Variants in FGD5 observed in about 807,000 individuals in gnomAD.
The protein encoded by FGD5 is FYVE, RhoGEF and PH domain containing 5.
Under a neutral mutation model 133.4 loss-of-function variants are expected in FGD5, and 28 were observed. That is an observed-to-expected ratio of 0.21 (90% CI 0.16 to 0.29). FGD5 has a LOEUF of 0.29. FGD5 is among the 10% of genes least tolerant of loss of function. FGD5 has a pLI of 1.00. For synonymous variants in FGD5, 810 were observed against 776.5 expected, an observed-to-expected ratio of 1.04 and a Z score of -0.72; for missense variants, 1,858 against 1,895.2, an observed-to-expected ratio of 0.98 and a Z score of 0.36.
chr3:14,922,285 C>A lies in FGD5; in HGVS notation c.3670-126C>A. 7.3e-7 allele frequency: 1 copy of A among 1,379,060 alleles called. No homozygotes were observed. The highest frequency in any genetic ancestry group is 9.9e-7 in the Non-Finnish European group (1 of 1,012,376). The allele number at this position is 1,379,060 out of a possible 1,614,324, so 85.4% of individuals were successfully genotyped here. On this transcript the variant is annotated intron_variant, in intron 14 of 19. Transcript: ENST00000285046. The surrounding 1 kb of genome is among the most constrained non-coding windows in gnomAD (Gnocchi z 4.1). ...TGGAGGGTGCAGGAGAGGCCTTTCA[C>A]ATCAGACCCACTCACCCACACATCA... is the stretch of plus-strand genomic sequence containing the variant.
rs537254016 is a variant in FGD5 at position 14,900,826 on chromosome 3, C to A, written c.3206-177C>A. 4.6e-5 allele frequency among the ~76,000 whole-genome samples: 7 copies of A among 152,328 alleles called. No individual in the cohort carries two copies. In the South Asian group the frequency reaches 1.0e-3, roughly 23 times the overall value. ...CCTGCCAGGGTGGTCACTATTATAA[C>A]ATATTCAGTTTACAGCCAGGGAAAC... On this transcript the variant is annotated intron_variant, in intron 8 of 19. Transcript: ENST00000285046.
At chr3:14,829,787 A>G (rs995411509) in intron 1 of FGD5, among the ~76,000 whole-genome samples, 2 of 152,154 alleles carry the variant, frequency 1.3e-5, no homozygotes, top group Non-Finnish European at 2.9e-5. Flanking sequence ...CTAGCGCAAA[A>G]TCTAGCATAA....
At chr3:14,901,130 G>A (rs1475545765) in intron 9 of FGD5, 69 bp downstream of exon 9, 1 of 1,500,732 alleles carries the variant, frequency 6.7e-7, no homozygotes, top group South Asian at 1.1e-5. Context: ...GCTCCGGTCA[G>A]CCTTCTGATG....
chr3:14,881,746 G>A (rs1325431533), intron 4 of FGD5, among the ~76,000 whole-genome samples: 1 of 152,216 alleles, frequency 6.6e-6, no homozygotes, highest in Non-Finnish European at 1.5e-5. Context: ...AGGTGGTGAT[G>A]TGGAAGCCCA....
At chr3:14,925,461 T>C (rs2038782644) in intron 17 of FGD5, among the ~76,000 whole-genome samples, 1 of 152,214 alleles carries the variant, frequency 6.6e-6, no homozygotes, top group Admixed American at 6.5e-5. Context: ...TTAGAAGAAG[T>C]CAGCAAATTG....
intron 1 of FGD5, among the ~76,000 whole-genome samples, chr3:14,839,635 A>G (rs947625757): frequency 5.3e-5 from 8 of 152,234 alleles, no homozygotes; most frequent in Admixed American, 3.9e-4. Context: ...GTTCAAAACC[A>G]TTTTTTAAGA....
chr3:14,848,797 A>C (rs926753089), intron 1 of FGD5, among the ~76,000 whole-genome samples: 2 of 152,140 alleles, frequency 1.3e-5, no homozygotes, highest in African/African-American at 4.8e-5. Context: ...AGTAGGATGT[A>C]AGGGTTGAGC....
rs188735766 is a variant in FGD5, at chr3:14,885,012, C to G, written c.2748+4240C>G. Among the ~76,000 whole-genome samples the G allele has an allele frequency of 2.4e-3, 361 of 151,882 alleles. 3 individuals carry two copies. Among genetic ancestry groups the G allele is most frequent in the Non-Finnish European group, 3.4e-3 (229 of 67,946 alleles). On this transcript the variant is annotated intron_variant, in intron 4 of 19. Transcript: ENST00000285046. ...ACAGCTGACCCCTTCTTCCACCTCCCTCCTCACTATCTCTTTTGCCTAATA... is the reference window on the plus strand; with the variant it reads ...ACAGCTGACCCCTTCTTCCACCTCCGTCCTCACTATCTCTTTTGCCTAATA...
chr3:14,908,956 TCATTCATTCATTCATC>T (rs947854653), intron 10 of FGD5, among the ~76,000 whole-genome samples: 3 of 151,744 alleles, frequency 2.0e-5, no homozygotes, highest in African/African-American at 4.9e-5. Context: ...ATTTATTCAT[TCATTCATTCATTCATC>T]CATTCATTCA....
In FGD5 at chr3:14,864,777, G is replaced by A. The variant is rs1022218587; in HGVS notation, c.2658+517G>A. Among the ~76,000 whole-genome samples, 5 of 152,172 alleles carry A rather than the reference G, an allele frequency of 3.3e-5. No individual in the cohort carries two copies. The South Asian group carries it at 8.3e-4, about 25-fold the overall frequency. ...TCTAGAGGCTGATGGTGAGTTGGGG[G>A]CCACGTCACAGTGAAGACCCAGACC... On this transcript the variant is annotated intron_variant, in intron 2 of 19. Coordinates refer to ENST00000285046, the MANE Select transcript of FGD5 (RefSeq NM_152536.4).
At chr3:14,872,610 A>AT (rs1276096400) in intron 2 of FGD5, among the ~76,000 whole-genome samples, 3 of 152,250 alleles carry the variant, frequency 2.0e-5, no homozygotes, top group African/African-American at 7.2e-5. Context: ...TGCACGTGTG[A>AT]TAAGCAAGCG....
At position 14,864,227 on chromosome 3, in the gene FGD5, C is replaced by T. The variant is rs774581190; in HGVS notation, c.2625C>T (p.Asp875=). The T allele has an allele frequency of 1.2e-6, 2 of 1,614,004 alleles. No individual in the cohort carries two copies. The highest frequency in any genetic ancestry group is 2.2e-5 in the South Asian group (2 of 91,082). The change falls in exon 2 of 20, where the codon GAC becomes GAT. Residue 875 remains aspartate, a synonymous_variant. Transcript: ENST00000285046. The stretch of plus-strand genomic sequence containing the variant: ...AGCAGAGAAGCTCGGAGGAGGAGGA[C>T]AGTGCTTCAAGAGACCCCAGTGTCA... ...DEEQRSSEEE[D]SASRDPSVTH... is the part of the protein sequence containing the mutation.
At chr3:14,925,864 C>G (rs951341585) in intron 17 of FGD5, among the ~76,000 whole-genome samples, 1 of 152,220 alleles carries the variant, frequency 6.6e-6, no homozygotes, top group Non-Finnish European at 1.5e-5. Flanking sequence ...CCAAAGTCAG[C>G]TGGGTCCATT....
intron 18 of FGD5, among the ~76,000 whole-genome samples, chr3:14,927,706 T>A (rs1485226779): frequency 2.0e-5 from 3 of 152,166 alleles, no homozygotes; most frequent in African/African-American, 7.2e-5. Flanking sequence ...TGCTATTTAG[T>A]AACAGTCCTG....
chr3:14,890,694 G>C (rs1465605826), intron 4 of FGD5, among the ~76,000 whole-genome samples: 2 of 152,226 alleles, frequency 1.3e-5, no homozygotes, highest in African/African-American at 2.4e-5. Context: ...CATGTTGGTG[G>C]TGGCCATCCT....
At chr3:14,854,077 T>C (rs768422406) in intron 1 of FGD5, among the ~76,000 whole-genome samples, 1 of 152,002 alleles carries the variant, frequency 6.6e-6, no homozygotes, top group Admixed American at 6.6e-5. Context: ...CGTGTTCTTA[T>C]TGACTCCCAC....
chr3:14,885,702 C>G (rs138744130), intron 4 of FGD5, among the ~76,000 whole-genome samples: 5 of 152,134 alleles, frequency 3.3e-5, no homozygotes, highest in African/African-American at 1.2e-4. Flanking sequence ...GTAAGTGTCC[C>G]GAGAGAGCAG....
chr3:14,925,761 C>G (rs372058680), intron 17 of FGD5, among the ~76,000 whole-genome samples: 1 of 152,138 alleles, frequency 6.6e-6, no homozygotes, highest in Admixed American at 6.5e-5. Context: ...AACCTTTCGC[C>G]GAAGTACCTG....
At chr3:14,843,350 G>A (rs555708490) in intron 1 of FGD5, among the ~76,000 whole-genome samples, 2 of 152,112 alleles carry the variant, frequency 1.3e-5, no homozygotes, top group African/African-American at 2.4e-5. Context: ...TTTTTAGCTC[G>A]GGAAAGTCAA....
Sources: allele counts gnomAD v4.1 joint callset (sites outside exome capture counted in the v4.1 genomes callset), GRCh38; gene constraint gnomAD v4.1.1; non-coding constraint Gnocchi (gnomAD v3.1); transcripts MANE v1.5; gene names NCBI Gene and HGNC (gene_info 2026-07-23, HGNC 2026-07-21).